The following DECR1 variants were observed in gnomAD, a reference collection of about 807,000 sequenced individuals.
The protein encoded by DECR1 is 2,4-dienoyl-CoA reductase 1.
DECR1 carries 44 observed loss-of-function variants against 38.8 expected under a neutral mutation model. That is an observed-to-expected ratio of 1.13 (90% CI 0.89 to 1.46). The LOEUF (loss-of-function observed/expected upper bound fraction) is 1.46. Among genes scored for constraint, DECR1 ranks in the 40% most tolerant of loss-of-function variants. DECR1 has a pLI of 0.00. For synonymous variants in DECR1, 148 were observed against 135.2 expected (o/e 1.09, Z -0.66); for missense variants, 428 against 405.5 (o/e 1.06, Z -0.48).
intron 8 of DECR1, among the ~76,000 whole-genome samples, chr8:90,046,155 G>C (rs918570926): frequency 6.6e-6 from 1 of 152,190 alleles, no homozygotes; most frequent in Non-Finnish European, 1.5e-5. Flanking sequence ...GCAGCTCCTC[G>C]CCAGCAACGG....
chr8:90,008,050 C>A (rs1812788337), intron 1 of DECR1, among the ~76,000 whole-genome samples: 1 of 152,204 alleles, frequency 6.6e-6, no homozygotes, highest in South Asian at 2.1e-4. Context: ...TGCCATTTAC[C>A]TTTAGCCCTA....
At chr8:90,032,223 A>G (rs1282474832) in intron 5 of DECR1, among the ~76,000 whole-genome samples, 1 of 152,092 alleles carries the variant, frequency 6.6e-6, no homozygotes, top group Non-Finnish European at 1.5e-5. Context: ...ACTGAAGTGT[A>G]TATGTTCATG....
intron 2 of DECR1, among the ~76,000 whole-genome samples, chr8:90,017,800 G>A (rs966830019): frequency 6.6e-6 from 1 of 152,116 alleles, no homozygotes; most frequent in Admixed American, 6.5e-5. Context: ...AGGTTGCTTT[G>A]TCTTCAGTGG....
intron 8 of DECR1, among the ~76,000 whole-genome samples, chr8:90,047,986 T>C (rs962426065): frequency 2.6e-5 from 4 of 152,114 alleles, no homozygotes; most frequent in African/African-American, 9.7e-5. Flanking sequence ...TTGAAGCCAA[T>C]GAGAACAAAG....
chr8:90,026,100 T>C (rs192722800), intron 5 of DECR1, among the ~76,000 whole-genome samples: 10 of 152,354 alleles, frequency 6.6e-5, no homozygotes, highest in African/African-American at 2.4e-4. Flanking sequence ...ATAAGCTTTT[T>C]GATGTGCTGC....
In DECR1 at chr8:90,053,434, T is replaced by G. The variant is rs1814142338; in HGVS notation, c.*1537T>G. On this transcript the variant is annotated 3_prime_UTR_variant, in exon 10 of 10. Coordinates refer to ENST00000220764, the MANE Select transcript of DECR1 (RefSeq NM_001359.2). ...ATTCACTATCACACTATTGTGTTGA[T>G]ATTGTGTTCACACACCAATAATGAT... Among the ~76,000 whole-genome samples the G allele has an allele frequency of 6.6e-6, 1 of 152,168 alleles. No homozygotes were observed. The highest frequency in any genetic ancestry group is 2.4e-5 in the African/African-American group (1 of 41,442).
At chr8:90,045,884 T>A (rs1380311082) in intron 8 of DECR1, among the ~76,000 whole-genome samples, 3 of 152,214 alleles carry the variant, frequency 2.0e-5, no homozygotes, top group African/African-American at 7.2e-5. Context: ...CAATATTTGC[T>A]GTTCTGCAGC....
intron 5 of DECR1, among the ~76,000 whole-genome samples, chr8:90,028,428 G>A (rs924111773): frequency 2.0e-5 from 3 of 151,854 alleles, no homozygotes; most frequent in Admixed American, 2.0e-4. Context: ...AAAAATATAT[G>A]ACAGCCTACT....
intron 8 of DECR1, among the ~76,000 whole-genome samples, chr8:90,048,210 C>T (rs1297515976): frequency 1.3e-5 from 2 of 151,880 alleles, no homozygotes; most frequent in Admixed American, 6.5e-5. Context: ...GAGATAGAGA[C>T]ACAAAAAACC....
intron 1 of DECR1, among the ~76,000 whole-genome samples, chr8:90,013,399 G>GTTTTTTTTTTTTTTTTTTT (rs57505716): frequency 7.2e-4 from 56 of 77,978 alleles, no homozygotes; most frequent in Admixed American, 1.5e-3. Context: ...CTCTTCTTTC[G>GTTTTTTTTTTTTTTTTTTT]TTTTTTTTTT....
At chr8:90,016,431 TC>T in intron 1 of DECR1, among the ~76,000 whole-genome samples, 1 of 152,204 alleles carries the variant, frequency 6.6e-6, no homozygotes, top group Admixed American at 6.5e-5. Flanking sequence ...GGTCAGGAGA[TC>T]GAGACCATCC....
In DECR1 at chr8:90,044,939, C is replaced by G. The variant is rs561353886; in HGVS notation, c.829C>G (p.Leu277Val). 14 of 1,613,766 alleles carry G rather than the reference C, an allele frequency of 8.7e-6. No individual in the cohort carries two copies. The highest frequency in any genetic ancestry group is 1.7e-5 in the Admixed American group (1 of 59,980). ...TGGTCGCCTGGGGACTGTAGAAGAACTCGCAAATCTTGCTGCTTTCCTTTG... is the reference window on the plus strand; with the variant it reads ...TGGTCGCCTGGGGACTGTAGAAGAAGTCGCAAATCTTGCTGCTTTCCTTTG... The part of the protein sequence containing the change: ...PCGRLGTVEE[L>V]ANLAAFLCSD... The change falls in exon 8 of 10, where the codon CTC becomes GTC. Residue 277 changes from leucine to valine, a missense_variant. By Grantham distance (32) the Leu-to-Val change is conservative (BLOSUM62 1). Transcript: ENST00000220764.
At chr8:90,019,702 G>A (rs2130056589) in intron 4 of DECR1, among the ~76,000 whole-genome samples, 1 of 152,280 alleles carries the variant, frequency 6.6e-6, no homozygotes, top group Middle Eastern at 3.4e-3. Flanking sequence ...GTCCTGTGAT[G>A]GAACTCTGCC....
intron 6 of DECR1, among the ~76,000 whole-genome samples, chr8:90,040,394 G>A (rs1023393407): frequency 6.6e-6 from 1 of 152,156 alleles, no homozygotes; most frequent in Admixed American, 6.5e-5. Context: ...ACCCTATTCT[G>A]TAGAACTGGT....
intron 6 of DECR1, among the ~76,000 whole-genome samples, chr8:90,042,142 C>T (rs781286875): frequency 1.3e-5 from 2 of 152,064 alleles, no homozygotes; most frequent in Non-Finnish European, 2.9e-5. Flanking sequence ...AAGTTTGGTT[C>T]AACAATTATA....
At chr8:90,015,771 G>C (rs909603777) in intron 1 of DECR1, 6 of 395,094 alleles carry the variant, frequency 1.5e-5, no homozygotes, top group Non-Finnish European at 3.1e-5. Context: ...GGATCTCAGA[G>C]AATAGACAGA....
intron 5 of DECR1, among the ~76,000 whole-genome samples, chr8:90,029,913 C>T (rs1273078800): frequency 6.6e-6 from 1 of 152,092 alleles, no homozygotes; most frequent in Admixed American, 6.6e-5. Context: ...AGCTCTAGTC[C>T]ACTCCTCACT....
chr8:90,035,427 T>C (rs1813595831), intron 5 of DECR1, among the ~76,000 whole-genome samples: 1 of 152,076 alleles, frequency 6.6e-6, no homozygotes, highest in South Asian at 2.1e-4. Flanking sequence ...TTTATATTGC[T>C]GTGTCTTCAG....
chr8:90,024,092 C>A (rs1004245488), intron 5 of DECR1, among the ~76,000 whole-genome samples: 2 of 152,116 alleles, frequency 1.3e-5, no homozygotes, highest in African/African-American at 4.8e-5. Context: ...GTATATGTGC[C>A]ACATTTTCTT....
Sources: gnomAD v4.1 joint callset for allele counts (sites outside exome capture counted in the v4.1 genomes callset) on GRCh38, gnomAD v4.1.1 for gene constraint, MANE v1.5 for transcripts, NCBI Gene and HGNC (gene_info 2026-07-23, HGNC 2026-07-21) for gene names.